Variants in ZRANB1 observed in about 807,000 individuals in gnomAD.
ZRANB1 encodes the protein zinc finger RANBP2-type containing 1.
Under a neutral mutation model 80.5 loss-of-function variants are expected in ZRANB1, and 16 were observed. The ratio of observed to expected loss-of-function variants is 0.20; its 90% CI spans 0.13 to 0.30. The LOEUF (loss-of-function observed/expected upper bound fraction) is 0.30. Among genes scored for constraint, ZRANB1 ranks in the 10% least tolerant of loss-of-function variants. The probability of loss-of-function intolerance (pLI) is 1.00; values close to 1 mark genes in which losing one functional copy is unlikely to be tolerated. For missense variants in ZRANB1, 576 were observed against 862.6 expected, an observed-to-expected ratio of 0.67 and a Z score of 4.16; for synonymous variants, 291 against 293.1, an observed-to-expected ratio of 0.99 and a Z score of 0.07.
chr10:124,931,960 T>C, the ZRANB1 span, among the ~76,000 whole-genome samples: 1 of 152,238 alleles, frequency 6.6e-6, no homozygotes. Flanking sequence ...AACTCCTCTG[T>C]GCTCTTCCTA....
chr10:124,932,284 T>A, the ZRANB1 span, among the ~76,000 whole-genome samples: 4 of 10,878 alleles, frequency 3.7e-4, no homozygotes, highest in Admixed American at 2.8e-3. Flanking sequence ...TGTAAAGATT[T>A]TTTTTTTTTT....
upstream of ZRANB1, among the ~76,000 whole-genome samples, chr10:124,941,208 A>G (rs1951533921): frequency 6.6e-6 from 1 of 152,144 alleles, no homozygotes; most frequent in African/African-American, 2.4e-5. Flanking sequence ...TAAAAAAAAA[A>G]AAATTAAATT....
At chr10:124,921,797 C>A in the ZRANB1 span, among the ~76,000 whole-genome samples, 2 of 151,140 alleles carry the variant, frequency 1.3e-5, no homozygotes, top group African/African-American at 4.9e-5. Flanking sequence ...GTGATTTCAC[C>A]ACCTGAAAAA....
At chr10:124,984,240 G>A (rs1164702701) in intron 8 of ZRANB1, 1 of 155,808 alleles carries the variant, frequency 6.4e-6, no homozygotes. Flanking sequence ...AGATGAAGGG[G>A]AGTGAAAGGG....
chr10:124,917,503 T>A, the ZRANB1 span, among the ~76,000 whole-genome samples: 2 of 151,888 alleles, frequency 1.3e-5, no homozygotes, highest in African/African-American at 4.8e-5. Flanking sequence ...TCCGCCCAGC[T>A]TGTTTACCGA....
At chr10:124,956,490 A>G (rs1253284696) in intron 1 of ZRANB1, among the ~76,000 whole-genome samples, 1 of 151,970 alleles carries the variant, frequency 6.6e-6, no homozygotes, top group Non-Finnish European at 1.5e-5. Flanking sequence ...TTTTTTTGAG[A>G]CGGAGTCTTG....
At chr10:124,920,628 T>C in the ZRANB1 span, among the ~76,000 whole-genome samples, 3 of 151,934 alleles carry the variant, frequency 2.0e-5, no homozygotes, top group East Asian at 5.8e-4. Flanking sequence ...TTTGAAATCC[T>C]CTTCTGCTTG....
intron 2 of ZRANB1, 106 bp downstream of exon 2, chr10:124,966,887 T>G (rs1030051535): frequency 1.9e-6 from 2 of 1,079,356 alleles, no homozygotes; most frequent in African/African-American, 3.2e-5. Flanking sequence ...TAAAATGTTT[T>G]GAATTCTTTT....
the ZRANB1 span, among the ~76,000 whole-genome samples, chr10:124,924,095 G>A: frequency 2.0e-5 from 3 of 151,078 alleles, no homozygotes; most frequent in Middle Eastern, 6.8e-3. Flanking sequence ...TTTGAGATGG[G>A]GTCTTGGTAC....
In ZRANB1 at chr10:124,942,273, G is replaced by A; in HGVS notation, c.-221G>A. ...TCCCAGGGTCTAAGATTTTTTCTTT[G>A]AGAATTTATCTCCAGTGTTTCTATG... On this transcript the variant is annotated 5_prime_UTR_variant, in exon 1 of 9. Transcript: ENST00000359653. 7.3e-7 allele frequency: 1 copy of A among 1,364,626 alleles called. No individual in the cohort carries two copies. The highest frequency in any genetic ancestry group is 3.2e-5 in the Admixed American group (1 of 31,270). The allele number at this position is 1,364,626 out of a possible 1,614,324, so 84.5% of individuals were successfully genotyped here. A position where few individuals can be genotyped will look rare whatever the true frequency, so the allele number is the denominator to read the frequency against.
rs569245344 is a variant in ZRANB1, at chr10:124,980,861, A to G, written c.1428-848A>G. Among the ~76,000 whole-genome samples, 127 of 152,242 alleles carry G rather than the reference A, an allele frequency of 8.3e-4. 1 individual carries two copies. The highest frequency in any genetic ancestry group is 2.1e-3 in the South Asian group (10 of 4,814). The stretch of plus-strand genomic sequence containing the variant: ...GGACCTCAGGCAATCCTCCTCCTTC[A>G]GCTTCCCAAAGTGCTAGAATTACAG... On this transcript the variant is annotated intron_variant, in intron 5 of 8. Coordinates refer to ENST00000359653, the MANE Select transcript of ZRANB1 (RefSeq NM_017580.3).
At chr10:124,933,266 A>G in the ZRANB1 span, among the ~76,000 whole-genome samples, 1 of 150,878 alleles carries the variant, frequency 6.6e-6, no homozygotes, top group African/African-American at 2.4e-5. Flanking sequence ...CCTCCTGAGT[A>G]GCTGGGGTTA....
At chr10:124,953,591 G>A (rs1951660978) in intron 1 of ZRANB1, among the ~76,000 whole-genome samples, 1 of 152,154 alleles carries the variant, frequency 6.6e-6, no homozygotes, top group South Asian at 2.1e-4. Flanking sequence ...TACATTATTT[G>A]GACTTGACGT....
intron 1 of ZRANB1, among the ~76,000 whole-genome samples, chr10:124,943,528 A>AGTGT (rs4020644): frequency 0.01 from 1,548 of 148,720 alleles, 16 homozygotes; most frequent in African/African-American, 0.021. Context: ...CAAAAATGTG[A>AGTGT]GTGTGTGTGT....
rs1299345991 is a variant in ZRANB1 at position 124,983,890 on chromosome 10, T to G, written c.1908+202T>G. On this transcript the variant is annotated intron_variant, in intron 8 of 8. Coordinates refer to ENST00000359653, the MANE Select transcript of ZRANB1 (RefSeq NM_017580.3). This position sits in a 1 kb window ranked among gnomAD's most constrained non-coding sequence, Gnocchi z 6.2. ...GGACACATCAAGGAACTTAAGGTGG[T>G]GATGGGTTTTAAGAAGAAAAAGTAA... Among the ~76,000 whole-genome samples the G allele has an allele frequency of 6.6e-6, 1 of 152,156 alleles. No individual in the cohort carries two copies. Among genetic ancestry groups the G allele is most frequent in the Non-Finnish European group, 1.5e-5 (1 of 68,034 alleles).
Position 124,986,233 on chromosome 10 carries a change from T to TTA in ZRANB1, c.*1242_*1243insAT, listed in dbSNP as rs1952031014. 1 of 151,370 alleles carries TTA rather than the reference T, an allele frequency of 6.6e-6. No individual in the cohort carries two copies. Among genetic ancestry groups the TTA allele is most frequent in the Non-Finnish European group, 1.5e-5 (1 of 67,768 alleles). 9.4% of individuals were successfully genotyped at this position (151,370 alleles called of 1,614,324 possible). ...AATATTTGGTGTCCTGATAAGCACTTTCTAGACTATTGATGTGGCCAGGAA... is the reference window on the plus strand; with the variant it reads ...AATATTTGGTGTCCTGATAAGCACTTTATCTAGACTATTGATGTGGCCAGGAA... On this transcript the variant is annotated 3_prime_UTR_variant, in exon 9 of 9. Coordinates refer to ENST00000359653, the MANE Select transcript of ZRANB1 (RefSeq NM_017580.3).
chr10:124,983,084 G>T lies in ZRANB1; in HGVS notation c.1549-91G>T, dbSNP rs568523276. 1.5e-5 allele frequency: 20 copies of T among 1,337,962 alleles called. No individual in the cohort carries two copies. The highest frequency in any genetic ancestry group is 3.8e-4 in the Middle Eastern group (2 of 5,236). 82.9% of individuals were successfully genotyped at this position (1,337,962 alleles called of 1,614,324 possible). On this transcript the variant is annotated intron_variant, in intron 6 of 8. Transcript: ENST00000359653. This position sits in a 1 kb window ranked among gnomAD's most constrained non-coding sequence, Gnocchi z 6.2. ...TCTTTCTTAAAAACCAACTGCGATA[G>T]TATACTGAAGGGGAGGTAGTATTGT...
At chr10:124,968,973 G>A (rs1054645664) in intron 2 of ZRANB1, among the ~76,000 whole-genome samples, 2 of 152,208 alleles carry the variant, frequency 1.3e-5, no homozygotes, top group African/African-American at 2.4e-5. Flanking sequence ...GGCTCATGAT[G>A]TCATGAGGTT....
chr10:124,973,659 C>T lies in ZRANB1; in HGVS notation c.1171C>T (p.Pro391Ser). 1 of 1,612,144 alleles carries T rather than the reference C, an allele frequency of 6.2e-7. No individual in the cohort carries two copies. The highest frequency in any genetic ancestry group is 1.1e-5 in the South Asian group (1 of 90,480). The change falls in exon 4 of 9, where the codon CCC becomes TCC. Residue 391 changes from proline to serine, a missense_variant. Physicochemically the swap from Pro to Ser is moderately conservative, Grantham distance 74. Coordinates refer to ENST00000359653, the MANE Select transcript of ZRANB1 (RefSeq NM_017580.3). Reference sequence around the variant, plus strand: ...TTTCTTTGTAGATATTGAAGATTTGCCCCCAACAGTCCAAGAAAAATTATT... The same window carrying T: ...TTTCTTTGTAGATATTGAAGATTTGTCCCCAACAGTCCAAGAAAAATTATT... ...FTLPADIEDLPPTVQEKLFDE... is the reference protein window; with the variant it reads ...FTLPADIEDLSPTVQEKLFDE...
Sources: gnomAD v4.1 joint callset for allele counts (sites outside exome capture counted in the v4.1 genomes callset) on GRCh38, gnomAD v4.1.1 for gene constraint, Gnocchi (gnomAD v3.1) non-coding constraint, MANE v1.5 for transcripts, NCBI Gene and HGNC (gene_info 2026-07-23, HGNC 2026-07-21) for gene names.